The following HCN4 variants were observed in gnomAD, a reference collection of about 807,000 sequenced individuals.
HCN4 encodes the protein hyperpolarization activated cyclic nucleotide gated potassium channel 4, also known as potassium/sodium hyperpolarization-activated cyclic nucleotide-gated channel 4.
In HCN4, 29 loss-of-function variants were observed where a neutral mutation model predicts 76.9. That is an observed-to-expected ratio of 0.38 (90% CI 0.28 to 0.51). HCN4 has a LOEUF of 0.51. HCN4 is among the 20% of genes least tolerant of loss of function. HCN4 has a pLI of 0.90. For missense variants in HCN4, 1,416 were observed against 1,715.2 expected (o/e 0.83, Z 3.08); for synonymous variants, 772 against 762.5 (o/e 1.01, Z -0.21).
rs533883156 is a variant in HCN4, at chr15:73,339,037, CCTT to C, written c.1209+4345_1209+4347del. On this transcript the variant is annotated intron_variant, in intron 2 of 7. Transcript: ENST00000261917. ...GAGGCCACACAGCAGCCCCAGCTGG[CCTT>C]CTGCCTCCAGCCCCTCTTTGGCCAC... Among the ~76,000 whole-genome samples the C allele has an allele frequency of 1.7e-4, 26 of 152,348 alleles. No homozygotes were observed. In the South Asian group the frequency reaches 3.7e-3, roughly 22 times the overall value.
rs757066783 is a variant in HCN4, at chr15:73,323,440, C to T, written c.2653G>A (p.Gly885Arg). 20 of 1,608,024 alleles carry T rather than the reference C, an allele frequency of 1.2e-5. No individual in the cohort carries two copies. Among genetic ancestry groups the T allele is most frequent in the South Asian group, 4.4e-5 (4 of 90,888 alleles). The change falls in exon 8 of 8, where the codon GGG becomes AGG. Residue 885 changes from glycine (G) to arginine (R), a missense_variant. Gly to Arg is a moderately radical substitution (Grantham distance 125, BLOSUM62 -2). Transcript: ENST00000261917. ...GGAGCCGAGGGGGAGCCACAGGCCC[C>T]GGGGGGTGGGGAGGAGCTGGATGAG... is the stretch of plus-strand genomic sequence containing the variant. ...LPSSSSSPPP[G>R]ACGSPSAPTP...
chr15:73,324,751 T>C (rs1450232349), intron 6 of HCN4, among the ~76,000 whole-genome samples: 1 of 151,924 alleles, frequency 6.6e-6, no homozygotes, highest in Non-Finnish European at 1.5e-5. Context: ...ACACATACAT[T>C]TCTGCAGTTT....
chr15:73,331,602 T>A (rs994042508), intron 3 of HCN4, among the ~76,000 whole-genome samples: 2 of 152,156 alleles, frequency 1.3e-5, no homozygotes, highest in East Asian at 1.9e-4. Context: ...GCTAGTTTTT[T>A]AAAAATAAAT....
chr15:73,361,913 G>A (rs972133195), intron 1 of HCN4, among the ~76,000 whole-genome samples: 14 of 152,192 alleles, frequency 9.2e-5, no homozygotes, highest in Admixed American at 2.6e-4. Context: ...TCACCTCTGC[G>A]CTCATACCGA....
chr15:73,329,875 C>T (rs976876615), intron 3 of HCN4, 84 bp from the exon 4 acceptor site: 2 of 1,160,402 alleles, frequency 1.7e-6, no homozygotes, highest in African/African-American at 3.0e-5. Context: ...CACCTCCTCA[C>T]CTCAACCTAA....
intron 1 of HCN4, among the ~76,000 whole-genome samples, chr15:73,361,579 T>C (rs1595835246): frequency 6.6e-6 from 1 of 152,166 alleles, no homozygotes; most frequent in Non-Finnish European, 1.5e-5. Flanking sequence ...GCCGGCTGCC[T>C]CCTCGGTTCT....
chr15:73,362,594 G>A (rs2043110074), intron 1 of HCN4, among the ~76,000 whole-genome samples: 1 of 152,240 alleles, frequency 6.6e-6, no homozygotes, highest in Non-Finnish European at 1.5e-5. Flanking sequence ...AGGAAGAGAT[G>A]GATGGTGGCC....
Position 73,323,537 on chromosome 15 carries a change from C to T in HCN4, c.2556G>A (p.Pro852=), listed in dbSNP as rs117819825. 0.045 allele frequency: 72,446 copies of T among 1,601,002 alleles called. 1,989 individuals are homozygous for T. Among genetic ancestry groups the T allele is most frequent in the Admixed American group, 0.098 (5,859 of 60,012 alleles). ...PASSPSQVDT[P]SSSSFHIQQL... ...GTTGGATGTGGAAGGAGGATGAAGA[C>T]GGTGTGTCCACCTGGGACGGGCTGC... Residue 852 remains proline, a synonymous_variant, in exon 8 of 8, where the codon CCG becomes CCA. Coordinates refer to ENST00000261917, the MANE Select transcript of HCN4 (RefSeq NM_005477.3).
intron 3 of HCN4, among the ~76,000 whole-genome samples, chr15:73,331,011 G>C (rs933981475): frequency 2.6e-5 from 4 of 152,136 alleles, no homozygotes; most frequent in Admixed American, 2.6e-4. Flanking sequence ...GATGCCTCAG[G>C]GTCTCTTTCA....
In HCN4 at chr15:73,323,248, G is replaced by A. The variant is rs755614529; in HGVS notation, c.2845C>T (p.Arg949Trp). 134 of 1,524,746 alleles carry A rather than the reference G, an allele frequency of 8.8e-5. No homozygotes were observed. The East Asian group carries it at 1.2e-3, about 14-fold the overall frequency. The allele number at this position is 1,524,746 out of a possible 1,614,324, so 94.5% of individuals were successfully genotyped here. ...AQPSPAPPGA[R>W]GGLGLPEHFL... ...TGCTCCGGGAGTCCCAGGCCTCCCCGGGCCCCGGGTGGCGCGGGAGATGGC... is the reference window on the plus strand; with the variant it reads ...TGCTCCGGGAGTCCCAGGCCTCCCCAGGCCCCGGGTGGCGCGGGAGATGGC... The change falls in exon 8 of 8, where the codon CGG becomes TGG. Residue 949 changes from arginine (R) to tryptophan (W), a missense_variant. Around this residue, in one of 6 missense-constraint regions of HCN4, gnomAD observed 633 missense variants for 579.8 expected, o/e 1.09. Transcript: ENST00000261917.
At chr15:73,362,578 TCAGCCAGGAAGAGATGGATGGTGGC>T (rs1247685416) in intron 1 of HCN4, among the ~76,000 whole-genome samples, 1 of 152,158 alleles carries the variant, frequency 6.6e-6, no homozygotes, top group East Asian at 1.9e-4. Flanking sequence ...CACAAGGTGG[TCAGCCAGGAAGAGATGGATGGTGGC>T]CAGGGTGGCC....
intron 3 of HCN4, 122 bp downstream of exon 3, chr15:73,332,009 C>A: frequency 1.1e-6 from 1 of 932,824 alleles, no homozygotes; most frequent in Non-Finnish European, 1.7e-6. Context: ...GCCCCCTCAG[C>A]CCCAGGCAGC....
chr15:73,359,994 G>A (rs2043097916), intron 1 of HCN4, among the ~76,000 whole-genome samples: 1 of 152,180 alleles, frequency 6.6e-6, no homozygotes, highest in Non-Finnish European at 1.5e-5. Context: ...AAGAGGAGGT[G>A]AGCTGGCATC....
rs775134377 is a variant in HCN4, at chr15:73,323,488, C to T, written c.2605G>A (p.Ala869Thr). 1.5e-5 allele frequency: 24 copies of T among 1,603,884 alleles called. No homozygotes were observed. The highest frequency in any genetic ancestry group is 1.7e-4 in the Middle Eastern group (1 of 6,060). The change falls in exon 8 of 8, where the codon GCT becomes ACT. Residue 869 changes from alanine (A) to threonine (T), a missense_variant. Ala to Thr is a moderately conservative substitution (Grantham distance 58, BLOSUM62 0). Transcript: ENST00000261917. ...GAGGGCAGGAGTGGGCTCAGTCCAG[C>T]GGGGGCAGAGAATCCAGCCAGCTGT... is the stretch of plus-strand genomic sequence containing the variant. ...IQQLAGFSAP[A>T]GLSPLLPSSS...
intron 2 of HCN4, among the ~76,000 whole-genome samples, chr15:73,340,741 C>T (rs1305366318): frequency 2.6e-5 from 4 of 152,244 alleles, no homozygotes; most frequent in African/African-American, 7.2e-5. Flanking sequence ...TTGATCCCAG[C>T]GCCCACCCAG....
At chr15:73,351,393 C>T (rs2043054553) in intron 1 of HCN4, among the ~76,000 whole-genome samples, 1 of 152,224 alleles carries the variant, frequency 6.6e-6, no homozygotes, top group African/African-American at 2.4e-5. Context: ...TACATGTCTA[C>T]AACTGGATGT....
intron 1 of HCN4, among the ~76,000 whole-genome samples, chr15:73,347,083 C>A (rs2043033045): frequency 6.6e-6 from 1 of 152,192 alleles, no homozygotes; most frequent in Non-Finnish European, 1.5e-5. Flanking sequence ...TTTACTGGGG[C>A]TCCTTGGTGA....
At position 73,330,712 on chromosome 15, in the gene HCN4, G is replaced by A. The variant is rs142279728; in HGVS notation, c.1372-921C>T. Among the ~76,000 whole-genome samples the A allele has an allele frequency of 3.0e-3, 453 of 152,326 alleles. 5 individuals are homozygous for A. The highest frequency in any genetic ancestry group is 0.01 in the African/African-American group (428 of 41,570). On this transcript the variant is annotated intron_variant, in intron 3 of 7. Transcript: ENST00000261917. ...AGAGGCCCAGCCCCCAGGGGAAGGC[G>A]CAGGAGCCCGTGAGCTTCGAGCCAT...
In HCN4 at chr15:73,322,660, T is replaced by A. The variant is rs2042867733; in HGVS notation, c.3433A>T (p.Ile1145Phe). Residue 1145 changes from isoleucine (I) to phenylalanine (F), a missense_variant, in exon 8 of 8, where the codon ATC becomes TTC. This residue lies in a region of HCN4 where 633 missense variants were observed against 579.8 expected (regional missense o/e 1.09). Transcript: ENST00000261917. ...LGPPGRPYGAIPGQHVTLPRK... is the reference protein window; with the variant it reads ...LGPPGRPYGAFPGQHVTLPRK... ...GGCAGAGTGACGTGCTGGCCGGGGA[T>A]GGCACCATAGGGCCTCCCAGGGGGA... is the stretch of plus-strand genomic sequence containing the variant. 6.2e-7 allele frequency: 1 copy of A among 1,607,666 alleles called. No homozygotes were observed. The highest frequency in any genetic ancestry group is 8.5e-7 in the Non-Finnish European group (1 of 1,177,758).
Sources: gnomAD v4.1 joint callset for allele counts (sites outside exome capture counted in the v4.1 genomes callset) on GRCh38, gnomAD v4.1.1 for gene constraint, gnomAD v4.1.1 regional missense constraint, MANE v1.5 for transcripts, NCBI Gene and HGNC (gene_info 2026-07-23, HGNC 2026-07-21) for gene names.